The following PHACTR3 variants were observed in gnomAD, a reference collection of about 807,000 sequenced individuals.
PHACTR3 encodes phosphatase and actin regulator 3.
PHACTR3 carries 16 observed loss-of-function variants against 66.8 expected under a neutral mutation model. The observed-to-expected ratio is 0.24, with a 90% CI of 0.16 to 0.36. The LOEUF (loss-of-function observed/expected upper bound fraction) is 0.36. Among genes scored for constraint, PHACTR3 ranks in the 10% least tolerant of loss-of-function variants. PHACTR3 has a pLI of 1.00. For missense variants in PHACTR3, 647 were observed against 719.9 expected (o/e 0.90, Z 1.16); for synonymous variants, 323 against 292.1 (o/e 1.11, Z -1.08).
chr20:59,643,125 A>G lies in PHACTR3; in HGVS notation c.118+37993A>G, dbSNP rs571032050. ...ACGGGGTTTCACCATGTTAGCCAGG[A>G]TGGTCTCGATCTCATGACCTTGTGA... is the stretch of plus-strand genomic sequence containing the variant. On this transcript the variant is annotated intron_variant, in intron 1 of 12. Coordinates refer to ENST00000371015, the MANE Select transcript of PHACTR3 (RefSeq NM_080672.5). 6.1e-4 allele frequency among the ~76,000 whole-genome samples: 93 copies of G among 152,176 alleles called. 1 individual carries two copies. The highest frequency in any genetic ancestry group is 1.6e-3 in the Admixed American group (24 of 15,282).
At chr20:59,664,377 C>A (rs922701066) in intron 1 of PHACTR3, among the ~76,000 whole-genome samples, 1 of 152,148 alleles carries the variant, frequency 6.6e-6, no homozygotes, top group Non-Finnish European at 1.5e-5. Flanking sequence ...CCTTGGGCAG[C>A]CTACTCTGGT....
At chr20:59,626,234 A>G (rs1008577649) in intron 1 of PHACTR3, among the ~76,000 whole-genome samples, 1 of 152,224 alleles carries the variant, frequency 6.6e-6, no homozygotes, top group Non-Finnish European at 1.5e-5. Flanking sequence ...GGCAGGTTGC[A>G]GTGACGACTC....
chr20:59,646,521 A>T (rs6015540), intron 1 of PHACTR3, among the ~76,000 whole-genome samples: 33,922 of 151,962 alleles, frequency 0.22, 4,785 homozygotes, highest in East Asian at 0.55. Flanking sequence ...CACTGAACGA[A>T]GTGAAAATGA....
chr20:59,747,480 G>A (rs115042576), intron 2 of PHACTR3, among the ~76,000 whole-genome samples: 32 of 152,338 alleles, frequency 2.1e-4, no homozygotes, highest in African/African-American at 6.3e-4. Flanking sequence ...AGAGAGGGGC[G>A]TTATATGTGC....
At chr20:59,582,407 C>T (rs768358604) in intron 1 of PHACTR3, among the ~76,000 whole-genome samples, 5 of 152,168 alleles carry the variant, frequency 3.3e-5, no homozygotes, top group Admixed American at 2.0e-4. Context: ...GGACAACCTG[C>T]GTGAGGCACT....
chr20:59,641,729 T>C (rs1196222617), intron 1 of PHACTR3, among the ~76,000 whole-genome samples: 1 of 152,202 alleles, frequency 6.6e-6, no homozygotes, highest in East Asian at 1.9e-4. Flanking sequence ...ATCTATAGAT[T>C]GTGTGTGTAT....
At chr20:59,845,334 G>T in intron 12 of PHACTR3, 69 bp downstream of exon 12, 2 of 971,274 alleles carry the variant, frequency 2.1e-6, no homozygotes, top group African/African-American at 3.3e-5. Context: ...CCCGTCCCCC[G>T]CCACAAACCA....
At chr20:59,618,955 A>G (rs1271167084) in intron 1 of PHACTR3, among the ~76,000 whole-genome samples, 1 of 152,208 alleles carries the variant, frequency 6.6e-6, no homozygotes, top group Non-Finnish European at 1.5e-5. Flanking sequence ...TTCTTTATAC[A>G]TGAGAAGCTG....
chr20:59,676,350 GCA>G (rs1224235283), intron 1 of PHACTR3, among the ~76,000 whole-genome samples: 2 of 152,198 alleles, frequency 1.3e-5, no homozygotes, highest in Non-Finnish European at 1.5e-5. Flanking sequence ...CACGTCTCGG[GCA>G]CAGAGAGGAG....
intron 1 of PHACTR3, among the ~76,000 whole-genome samples, chr20:59,605,700 A>C (rs975710325): frequency 4.6e-5 from 7 of 152,362 alleles, no homozygotes; most frequent in Admixed American, 3.9e-4. Context: ...GCGCCAGGAC[A>C]GAGCCCGGTT....
chr20:59,620,506 T>C (rs2034191267), intron 1 of PHACTR3, among the ~76,000 whole-genome samples: 1 of 152,028 alleles, frequency 6.6e-6, no homozygotes, highest in Non-Finnish European at 1.5e-5. Flanking sequence ...CTTTGAAGAG[T>C]GCTTTCAGTT....
chr20:59,595,168 A>C (rs1253488620), intron 1 of PHACTR3, among the ~76,000 whole-genome samples: 3 of 152,160 alleles, frequency 2.0e-5, no homozygotes, highest in Admixed American at 6.5e-5. Context: ...AATTTCTTTT[A>C]AATTTGTTAA....
chr20:59,783,676 C>T (rs1465528756), intron 7 of PHACTR3, among the ~76,000 whole-genome samples: 4 of 152,322 alleles, frequency 2.6e-5, no homozygotes, highest in South Asian at 4.1e-4. Context: ...GCCTACTGTT[C>T]GTCCAATGCG....
chr20:59,586,472 T>G (rs1349974674), intron 1 of PHACTR3, among the ~76,000 whole-genome samples: 1 of 152,238 alleles, frequency 6.6e-6, no homozygotes, highest in Non-Finnish European at 1.5e-5. Flanking sequence ...TTAATGGCTT[T>G]GCTATCTGTG....
chr20:59,814,783 G>A (rs1008569434), intron 8 of PHACTR3, among the ~76,000 whole-genome samples: 1 of 152,118 alleles, frequency 6.6e-6, no homozygotes, highest in African/African-American at 2.4e-5. Context: ...ATGGAGCAGT[G>A]TTAAGCTTTT....
intron 12 of PHACTR3, among the ~76,000 whole-genome samples, chr20:59,846,138 C>T (rs1042900235): frequency 6.6e-6 from 1 of 152,142 alleles, no homozygotes; most frequent in East Asian, 1.9e-4. Flanking sequence ...TCAAGGCCCA[C>T]ATACAAAGAG....
intron 7 of PHACTR3, among the ~76,000 whole-genome samples, chr20:59,800,979 G>A (rs6100597): frequency 0.032 from 4,855 of 152,194 alleles, 268 homozygotes; most frequent in African/African-American, 0.11. Context: ...GATGGGAACC[G>A]GCCCTCCGTC....
Position 59,736,769 on chromosome 20 carries a change from G to A in PHACTR3, c.119-6338G>A, listed in dbSNP as rs1403096492. Reference sequence around the variant, plus strand: ...AGTTTTCTCTGAGCAGCACTATTTTGAAGTTTCTCTTCTTGGGCGGAGAGT... The same window carrying A: ...AGTTTTCTCTGAGCAGCACTATTTTAAAGTTTCTCTTCTTGGGCGGAGAGT... On this transcript the variant is annotated intron_variant, in intron 1 of 12. Coordinates refer to ENST00000371015, the MANE Select transcript of PHACTR3 (RefSeq NM_080672.5). The surrounding 1 kb of genome is among the most constrained non-coding windows in gnomAD (Gnocchi z 4.6). 6.6e-6 allele frequency among the ~76,000 whole-genome samples: 1 copy of A among 152,172 alleles called. No individual in the cohort carries two copies. Among genetic ancestry groups the A allele is most frequent in the Non-Finnish European group, 1.5e-5 (1 of 68,024 alleles).
In PHACTR3 at chr20:59,787,835, G is replaced by A. The variant is rs117042608; in HGVS notation, c.1174+13345G>A. Among the ~76,000 whole-genome samples the A allele has an allele frequency of 9.5e-4, 144 of 152,316 alleles. 1 individual carries two copies. The highest frequency in any genetic ancestry group is 4.9e-3 in the Admixed American group (75 of 15,302). ...TTTCCTCTTTGTGACAGGTAGTGAT[G>A]CTTTTTACAGAAACTAGACTTTATA... On this transcript the variant is annotated intron_variant, in intron 7 of 12. Coordinates refer to ENST00000371015, the MANE Select transcript of PHACTR3 (RefSeq NM_080672.5).
Sources: gnomAD v4.1 joint callset for allele counts (sites outside exome capture counted in the v4.1 genomes callset) on GRCh38, gnomAD v4.1.1 for gene constraint, Gnocchi (gnomAD v3.1) non-coding constraint, MANE v1.5 for transcripts, NCBI Gene and HGNC (gene_info 2026-07-23, HGNC 2026-07-21) for gene names.